SLC35F4: variants seen among roughly 807,000 people sequenced by gnomAD.
The protein encoded by SLC35F4 is chromosome 14 open reading frame 36.
Under a neutral mutation model 44.2 loss-of-function variants are expected in SLC35F4, and 24 were observed. The observed-to-expected ratio is 0.54, with a 90% CI of 0.39 to 0.76. The LOEUF (loss-of-function observed/expected upper bound fraction) is 0.76, where lower values mean the gene tolerates loss of function less well. SLC35F4 is among the 30% of genes least tolerant of loss of function. The pLI, the probability that SLC35F4 is intolerant of heterozygous loss-of-function variation, is 0.00. For missense variants in SLC35F4, 562 were observed against 586.1 expected (o/e 0.96, Z 0.42); for synonymous variants, 238 against 223.6 (o/e 1.06, Z -0.57).
chr14:57,849,448 C>T (rs571775913), intron 1 of SLC35F4, among the ~76,000 whole-genome samples: 2 of 150,790 alleles, frequency 1.3e-5, no homozygotes, highest in South Asian at 4.2e-4. Flanking sequence ...AGGCATGAGC[C>T]ACCAAGCCCA....
intron 1 of SLC35F4, among the ~76,000 whole-genome samples, chr14:57,603,322 C>G (rs1006174503): frequency 6.6e-6 from 1 of 152,146 alleles, no homozygotes; most frequent in African/African-American, 2.4e-5. Context: ...GCCCAGTTAT[C>G]AACTCCTTAA....
In SLC35F4 at chr14:57,674,186, T is replaced by C. The variant is rs567880667; in HGVS notation, c.104-80062A>G. Among the ~76,000 whole-genome samples, 3 of 152,122 alleles carry C rather than the reference T, an allele frequency of 2.0e-5. No individual in the cohort carries two copies. In the South Asian group the frequency reaches 6.2e-4, roughly 32 times the overall value. On this transcript the variant is annotated intron_variant, in intron 1 of 7. Coordinates refer to ENST00000556826, the MANE Select transcript of SLC35F4 (RefSeq NM_001306087.2). Reference sequence around the variant, plus strand: ...GATACCACTACAATACCCACCAGAATGGCTAAAATAAAAAATATGGGCAAC... The same window carrying C: ...GATACCACTACAATACCCACCAGAACGGCTAAAATAAAAAATATGGGCAAC...
intron 1 of SLC35F4, among the ~76,000 whole-genome samples, chr14:57,602,741 T>C (rs2070905125): frequency 1.3e-5 from 2 of 152,192 alleles, no homozygotes; most frequent in African/African-American, 4.8e-5. Flanking sequence ...CAAGCACCTG[T>C]TCTGGATTCA....
intron 1 of SLC35F4, among the ~76,000 whole-genome samples, chr14:57,640,434 A>G (rs1270843737): frequency 6.6e-6 from 1 of 152,108 alleles, no homozygotes; most frequent in Non-Finnish European, 1.5e-5. Flanking sequence ...AACCAATTGC[A>G]GACTTACAGC....
intron 1 of SLC35F4, among the ~76,000 whole-genome samples, chr14:57,880,116 G>A (rs894786408): frequency 4.0e-5 from 6 of 150,722 alleles, no homozygotes; most frequent in African/African-American, 1.5e-4. Flanking sequence ...AAGGACAGTA[G>A]ATCTTTTGAA....
chr14:57,764,312 T>TA (rs138668288), intron 1 of SLC35F4, among the ~76,000 whole-genome samples: 4,941 of 148,484 alleles, frequency 0.033, 121 homozygotes, highest in South Asian at 0.055. Flanking sequence ...CTGTAGGTTC[T>TA]AAAAAAAAAA....
chr14:57,764,723 GT>G (rs1171212433), intron 1 of SLC35F4, among the ~76,000 whole-genome samples: 7 of 152,140 alleles, frequency 4.6e-5, no homozygotes, highest in Non-Finnish European at 8.8e-5. Flanking sequence ...GATGACCTTG[GT>G]TTAGAGCAAG....
chr14:57,889,277 T>C (rs1888711306), intron 1 of SLC35F4, among the ~76,000 whole-genome samples: 1 of 152,194 alleles, frequency 6.6e-6, no homozygotes, highest in Non-Finnish European at 1.5e-5. Context: ...AGGCTCAGCT[T>C]CCTAAACCAG....
At chr14:57,960,637 ACT>A (rs1314840607) in intron 1 of SLC35F4, among the ~76,000 whole-genome samples, 1 of 152,046 alleles carries the variant, frequency 6.6e-6, no homozygotes, top group African/African-American at 2.4e-5. Context: ...AGGATCAAAG[ACT>A]CTGGCAGGGG....
intron 1 of SLC35F4, among the ~76,000 whole-genome samples, chr14:57,728,399 G>A (rs964403497): frequency 8.4e-5 from 12 of 143,238 alleles, no homozygotes; most frequent in African/African-American, 2.8e-4. Flanking sequence ...TTACCAGGGA[G>A]TTTTGTACCT....
chr14:57,651,594 C>T (rs894299610), intron 1 of SLC35F4, among the ~76,000 whole-genome samples: 23 of 152,116 alleles, frequency 1.5e-4, no homozygotes, highest in Admixed American at 1.4e-3. Flanking sequence ...AGGACTGGCC[C>T]TTTGAGCATG....
At chr14:57,954,540 GAAGAA>G (rs1890202156) in intron 1 of SLC35F4, among the ~76,000 whole-genome samples, 1 of 151,998 alleles carries the variant, frequency 6.6e-6, no homozygotes, top group Non-Finnish European at 1.5e-5. Context: ...GACTAATAAA[GAAGAA>G]AAGAGAGAAG....
At chr14:57,760,301 G>A (rs996317166) in intron 1 of SLC35F4, among the ~76,000 whole-genome samples, 5 of 152,094 alleles carry the variant, frequency 3.3e-5, no homozygotes, top group African/African-American at 1.2e-4. Context: ...TTTTCCCCAT[G>A]TGTAACATGG....
intron 1 of SLC35F4, among the ~76,000 whole-genome samples, chr14:57,624,655 C>A (rs544930388): frequency 1.7e-4 from 26 of 152,262 alleles, no homozygotes; most frequent in African/African-American, 5.5e-4. Flanking sequence ...TCAACATATG[C>A]AAATCAATAA....
chr14:57,617,843 A>G (rs1411845452), intron 1 of SLC35F4, among the ~76,000 whole-genome samples: 1 of 152,198 alleles, frequency 6.6e-6, no homozygotes, highest in Non-Finnish European at 1.5e-5. Flanking sequence ...ACTGAATGCC[A>G]TTTACAGGTC....
chr14:57,617,853 C>A (rs910982805), intron 1 of SLC35F4, among the ~76,000 whole-genome samples: 1 of 152,054 alleles, frequency 6.6e-6, no homozygotes, highest in Non-Finnish European at 1.5e-5. Flanking sequence ...ATTTACAGGT[C>A]GTGATAGTTT....
chr14:57,819,564 G>A (rs950849307), intron 1 of SLC35F4, among the ~76,000 whole-genome samples: 15 of 151,940 alleles, frequency 9.9e-5, no homozygotes, highest in African/African-American at 3.6e-4. Flanking sequence ...CCAGCACTTT[G>A]GGGGACCTAG....
At chr14:57,906,856 T>A (rs1276610354) in intron 1 of SLC35F4, among the ~76,000 whole-genome samples, 1 of 152,224 alleles carries the variant, frequency 6.6e-6, no homozygotes, top group Admixed American at 6.5e-5. Context: ...CTTATTCAAG[T>A]AATCATGTAT....
intron 1 of SLC35F4, among the ~76,000 whole-genome samples, chr14:57,934,660 C>G (rs1476287904): frequency 6.6e-6 from 1 of 151,996 alleles, no homozygotes; most frequent in Non-Finnish European, 1.5e-5. Context: ...TGCTTGTACA[C>G]AGCTATTAAA....
Sources: allele counts gnomAD v4.1 joint callset (sites outside exome capture counted in the v4.1 genomes callset), GRCh38; gene constraint gnomAD v4.1.1; transcripts MANE v1.5; gene names NCBI Gene and HGNC (gene_info 2026-07-23, HGNC 2026-07-21).